The following RAD51B variants were observed in gnomAD, a reference collection of about 807,000 sequenced individuals.
RAD51B encodes DNA repair protein RAD51 homolog 2.
In RAD51B, 38 loss-of-function variants were observed where a neutral mutation model predicts 42.2. The observed-to-expected ratio is 0.90, with a 90% CI of 0.70 to 1.18. The LOEUF is 1.18. Ranked by LOEUF, RAD51B falls within the 50% of genes most tolerant of loss-of-function variation. The pLI is 0.00. For missense variants in RAD51B, 373 were observed against 400.7 expected, an observed-to-expected ratio of 0.93 and a Z score of 0.59; for synonymous variants, 154 against 145.2, an observed-to-expected ratio of 1.06 and a Z score of -0.43.
intron 8 of RAD51B, among the ~76,000 whole-genome samples, chr14:68,368,952 C>T (rs368648427): frequency 9.9e-5 from 15 of 152,264 alleles, no homozygotes; most frequent in East Asian, 7.7e-4. Context: ...GGGTAGCTGC[C>T]GGAATCTGGT....
intron 7 of RAD51B, among the ~76,000 whole-genome samples, chr14:68,164,903 GA>G (rs1329218683): frequency 6.6e-6 from 1 of 152,170 alleles, no homozygotes; most frequent in Non-Finnish European, 1.5e-5. Context: ...CTGTTCATTT[GA>G]TAGGATGGGC....
chr14:67,857,242 G>T (rs2042025389), intron 4 of RAD51B, among the ~76,000 whole-genome samples: 1 of 152,114 alleles, frequency 6.6e-6, no homozygotes, highest in Non-Finnish European at 1.5e-5. Context: ...AAAAAAATTT[G>T]TGAGCAGGAT....
At chr14:67,820,723 C>A (rs2040598415) in intron 1 of RAD51B, among the ~76,000 whole-genome samples, 1 of 152,100 alleles carries the variant, frequency 6.6e-6, no homozygotes, top group African/African-American at 2.4e-5. Flanking sequence ...CCTACCAATA[C>A]ACATACCATG....
chr14:68,242,721 T>G (rs2080418011), intron 7 of RAD51B, among the ~76,000 whole-genome samples: 1 of 152,214 alleles, frequency 6.6e-6, no homozygotes, highest in Admixed American at 6.5e-5. Flanking sequence ...AATAAGTACT[T>G]TTCACACATT....
intron 8 of RAD51B, among the ~76,000 whole-genome samples, chr14:68,329,669 T>G (rs1413119241): frequency 1.3e-5 from 2 of 152,340 alleles, no homozygotes; most frequent in East Asian, 3.9e-4. Flanking sequence ...GATTTTTATT[T>G]TAAATAAGTT....
downstream of RAD51B, among the ~76,000 whole-genome samples, chr14:68,612,107 A>C (rs1891701536): frequency 6.6e-6 from 1 of 152,264 alleles, no homozygotes. Flanking sequence ...AACTTGGGAC[A>C]GAAAAATAGC....
At chr14:68,207,514 C>CCACA (rs1168521154) in intron 7 of RAD51B, among the ~76,000 whole-genome samples, 7 of 152,096 alleles carry the variant, frequency 4.6e-5, no homozygotes, top group African/African-American at 1.7e-4. Flanking sequence ...GAAAATACAT[C>CCACA]TAGAGTTTGC....
intron 7 of RAD51B, among the ~76,000 whole-genome samples, chr14:68,207,774 C>A (rs1447474165): frequency 6.6e-6 from 1 of 151,966 alleles, no homozygotes; most frequent in East Asian, 1.9e-4. Flanking sequence ...AAATTGAAGA[C>A]CGAGACTGGG....
At chr14:67,920,390 A>G (rs533705121) in intron 7 of RAD51B, among the ~76,000 whole-genome samples, 2 of 152,010 alleles carry the variant, frequency 1.3e-5, no homozygotes, top group African/African-American at 2.4e-5. Flanking sequence ...TTATAAATCT[A>G]TTTCATCTTT....
chr14:68,463,409 A>G (rs1475745702), intron 9 of RAD51B, among the ~76,000 whole-genome samples: 1 of 152,220 alleles, frequency 6.6e-6, no homozygotes, highest in African/African-American at 2.4e-5. Flanking sequence ...TTCATATAGT[A>G]TATACTACTA....
intron 10 of RAD51B, among the ~76,000 whole-genome samples, chr14:68,575,121 C>T (rs984992868): frequency 6.6e-6 from 1 of 152,208 alleles, no homozygotes; most frequent in African/African-American, 2.4e-5. Context: ...TTTTGCAGGC[C>T]AGGCATTGTG....
Position 68,005,031 on chromosome 14 carries a change from C to CTG in RAD51B, c.756+117841_756+117842dup, listed in dbSNP as rs1387632190. Among the ~76,000 whole-genome samples, 345 of 115,488 alleles carry CTG rather than the reference C, an allele frequency of 3.0e-3. 9 individuals are homozygous for CTG. The highest frequency in any genetic ancestry group is 0.011 in the African/African-American group (272 of 25,448). 75.8% of individuals were successfully genotyped at this position (115,488 alleles called of 152,430 possible). ...TTTATGTATCCATTCTACCATTCTA[C>CTG]TGTGTGTGTGTGTGTTTTTTTTTTT... On this transcript the variant is annotated intron_variant, in intron 7 of 10. Coordinates refer to ENST00000471583, the MANE Select transcript of RAD51B (RefSeq NM_133510.4).
chr14:68,636,821 T>C (rs898653165), intron 10 of RAD51B, among the ~76,000 whole-genome samples: 6 of 151,378 alleles, frequency 4.0e-5, no homozygotes, highest in Non-Finnish European at 8.8e-5. Context: ...GGGAGGGGAG[T>C]CCTCTGGCAA....
chr14:67,940,055 T>TATATATATAGATA (rs1342389102), intron 7 of RAD51B, among the ~76,000 whole-genome samples: 1 of 8,722 alleles, frequency 1.1e-4, no homozygotes, highest in African/African-American at 5.1e-4. Flanking sequence ...TATATATATA[T>TATATATATAGATA]TTTTTTTTTT....
chr14:68,245,030 A>G (rs2080466686), intron 7 of RAD51B, among the ~76,000 whole-genome samples: 2 of 152,182 alleles, frequency 1.3e-5, no homozygotes, highest in African/African-American at 4.8e-5. Flanking sequence ...ACTAGCTCAG[A>G]TGTGTCTATT....
intron 7 of RAD51B, among the ~76,000 whole-genome samples, chr14:68,180,068 AC>A (rs986255362): frequency 8.5e-5 from 13 of 152,168 alleles, no homozygotes; most frequent in African/African-American, 2.7e-4. Flanking sequence ...GGCCTATGGC[AC>A]CGACAATTCC....
intron 7 of RAD51B, among the ~76,000 whole-genome samples, chr14:67,927,595 T>G (rs1199589048): frequency 1.3e-5 from 2 of 152,142 alleles, no homozygotes; most frequent in South Asian, 2.1e-4. Context: ...GGTATTTGTC[T>G]TTCTGTGCTG....
At chr14:68,360,332 A>G (rs924000099) in intron 8 of RAD51B, among the ~76,000 whole-genome samples, 1 of 152,190 alleles carries the variant, frequency 6.6e-6, no homozygotes, top group African/African-American at 2.4e-5. Flanking sequence ...CCTGGCCATA[A>G]AAGGCTACCC....
intron 7 of RAD51B, among the ~76,000 whole-genome samples, chr14:68,202,455 C>T (rs761764787): frequency 4.0e-5 from 6 of 151,654 alleles, no homozygotes; most frequent in African/African-American, 9.7e-5. Context: ...TTATCAACTA[C>T]GTTTATATAA....
Sources: allele counts gnomAD v4.1 joint callset (sites outside exome capture counted in the v4.1 genomes callset), GRCh38; gene constraint gnomAD v4.1.1; transcripts MANE v1.5; gene names NCBI Gene and HGNC (gene_info 2026-07-23, HGNC 2026-07-21).